GALNTL6: variants seen among roughly 807,000 people sequenced by gnomAD.
The protein encoded by GALNTL6 is polypeptide N-acetylgalactosaminyltransferase like 6, also known as polypeptide N-acetylgalactosaminyltransferase-like 6.
GALNTL6 carries 46 observed loss-of-function variants against 73.7 expected under a neutral mutation model. The observed-to-expected ratio is 0.62, with a 90% CI of 0.49 to 0.80. The LOEUF (loss-of-function observed/expected upper bound fraction) is 0.80. GALNTL6 is among the 30% of genes least tolerant of loss of function. GALNTL6 has a pLI of 0.00. For synonymous variants in GALNTL6, 259 were observed against 263.7 expected (o/e 0.98, Z 0.17); for missense variants, 604 against 755.0 (o/e 0.80, Z 2.34).
chr4:172,052,253 T>C lies in GALNTL6; in HGVS notation c.139-177403T>C, dbSNP rs1443201467. Among the ~76,000 whole-genome samples the C allele has an allele frequency of 4.0e-5, 5 of 124,188 alleles. No homozygotes were observed. The Admixed American group carries it at 4.4e-4, about 11-fold the overall frequency. 81.5% of individuals were successfully genotyped at this position (124,188 alleles called of 152,430 possible). A position where few individuals can be genotyped will look rare whatever the true frequency, so the allele number is the denominator to read the frequency against. On this transcript the variant is annotated intron_variant, in intron 2 of 12. Coordinates refer to ENST00000506823, the MANE Select transcript of GALNTL6 (RefSeq NM_001034845.3). ...ATGGAACATTCACAGTTTTATATTATTTCAGTAGAGCCTCAAGGCAGAGAG... is the reference window on the plus strand; with the variant it reads ...ATGGAACATTCACAGTTTTATATTACTTCAGTAGAGCCTCAAGGCAGAGAG...
At chr4:172,018,824 G>C (rs1226432827) in intron 2 of GALNTL6, among the ~76,000 whole-genome samples, 1 of 152,062 alleles carries the variant, frequency 6.6e-6, no homozygotes, top group African/African-American at 2.4e-5. Context: ...CTACTTAATT[G>C]TGCTGGCTGC....
At chr4:172,791,268 G>A (rs1739980925) in intron 5 of GALNTL6, among the ~76,000 whole-genome samples, 2 of 152,238 alleles carry the variant, frequency 1.3e-5, no homozygotes, top group African/African-American at 2.4e-5. Context: ...GGTGACTGCA[G>A]TGTATGAAAG....
At chr4:172,497,145 T>C (rs990824316) in intron 5 of GALNTL6, among the ~76,000 whole-genome samples, 2 of 152,214 alleles carry the variant, frequency 1.3e-5, no homozygotes, top group African/African-American at 4.8e-5. Context: ...TATAGGTTGG[T>C]CATTGTAAGA....
At chr4:172,812,696 A>C (rs1384702867) in intron 6 of GALNTL6, among the ~76,000 whole-genome samples, 3 of 152,172 alleles carry the variant, frequency 2.0e-5, no homozygotes, top group Non-Finnish European at 2.9e-5. Context: ...TGTTAAGCAG[A>C]GGTTGCATCT....
chr4:172,801,950 A>C (rs1740673115), intron 5 of GALNTL6, among the ~76,000 whole-genome samples: 1 of 152,152 alleles, frequency 6.6e-6, no homozygotes, highest in Non-Finnish European at 1.5e-5. Context: ...TTTAATAAAC[A>C]GCAAATATAT....
intron 5 of GALNTL6, among the ~76,000 whole-genome samples, chr4:172,711,140 T>C (rs1734678208): frequency 6.6e-6 from 1 of 152,190 alleles, no homozygotes; most frequent in African/African-American, 2.4e-5. Context: ...AGGAGGAATG[T>C]GACTGAATTT....
chr4:172,148,203 T>A (rs1380606170), intron 2 of GALNTL6, among the ~76,000 whole-genome samples: 1 of 152,148 alleles, frequency 6.6e-6, no homozygotes, highest in Non-Finnish European at 1.5e-5. Flanking sequence ...ATTCTGAGTA[T>A]TTCTTAAAAT....
chr4:171,836,895 A>G (rs1735108480), intron 2 of GALNTL6, among the ~76,000 whole-genome samples: 1 of 152,182 alleles, frequency 6.6e-6, no homozygotes, highest in African/African-American at 2.4e-5. Context: ...AAAACCTAGA[A>G]TGAACCCTAA....
chr4:172,413,638 T>C (rs1744521459), intron 5 of GALNTL6, among the ~76,000 whole-genome samples: 1 of 142,350 alleles, frequency 7.0e-6, no homozygotes, highest in African/African-American at 2.6e-5. Context: ...AGGTTGTAAT[T>C]TATCTTCTTT....
intron 11 of GALNTL6, among the ~76,000 whole-genome samples, chr4:173,012,875 C>T (rs1270658752): frequency 3.3e-5 from 5 of 152,152 alleles, no homozygotes; most frequent in South Asian, 4.1e-4. Context: ...CGGTGACTCG[C>T]GCCTATAATC....
chr4:172,295,526 T>G (rs934602626), intron 3 of GALNTL6, among the ~76,000 whole-genome samples: 2 of 133,932 alleles, frequency 1.5e-5, no homozygotes, highest in African/African-American at 5.4e-5. Context: ...CTTTTCTTTT[T>G]TTAGGTTTTT....
chr4:172,833,514 T>C (rs1265825446), intron 7 of GALNTL6, among the ~76,000 whole-genome samples: 1 of 152,208 alleles, frequency 6.6e-6, no homozygotes, highest in African/African-American at 2.4e-5. Context: ...CTGCATCTCC[T>C]GGCTTTCCTC....
At chr4:172,983,921 T>G (rs78055204) in intron 10 of GALNTL6, among the ~76,000 whole-genome samples, 1,856 of 150,934 alleles carry the variant, frequency 0.012, 12 homozygotes, top group Middle Eastern at 0.024. Context: ...ATCTCCCGGT[T>G]GATTTTTTTT....
intron 5 of GALNTL6, among the ~76,000 whole-genome samples, chr4:172,467,862 CT>C (rs1579099705): frequency 7.8e-6 from 1 of 128,718 alleles, no homozygotes; most frequent in African/African-American, 2.9e-5. Context: ...TTCTTTCTTT[CT>C]TTCCTTCTTT....
At chr4:172,986,166 T>C (rs1339169111) in intron 10 of GALNTL6, among the ~76,000 whole-genome samples, 2 of 152,250 alleles carry the variant, frequency 1.3e-5, no homozygotes, top group Non-Finnish European at 2.9e-5. Context: ...GTCAAATTTT[T>C]CTCACTGTCA....
chr4:172,709,081 G>A (rs994884535), intron 5 of GALNTL6, among the ~76,000 whole-genome samples: 1 of 152,128 alleles, frequency 6.6e-6, no homozygotes, highest in Admixed American at 6.6e-5. Flanking sequence ...TTTACCCTGG[G>A]TGATTTCATG....
chr4:172,985,626 A>G (rs755093758), intron 10 of GALNTL6, among the ~76,000 whole-genome samples: 10 of 152,126 alleles, frequency 6.6e-5, no homozygotes, highest in Non-Finnish European at 1.3e-4. Context: ...TTTTTTAAAG[A>G]TATTTTGGTA....
At chr4:171,980,157 A>T (rs1345168628) in intron 2 of GALNTL6, among the ~76,000 whole-genome samples, 1 of 152,208 alleles carries the variant, frequency 6.6e-6, no homozygotes, top group African/African-American at 2.4e-5. Context: ...AAACAGAAGC[A>T]CTTACTAGGG....
chr4:172,679,090 TA>T (rs1405005128), intron 5 of GALNTL6, among the ~76,000 whole-genome samples: 1 of 152,204 alleles, frequency 6.6e-6, no homozygotes, highest in African/African-American at 2.4e-5. Context: ...CATAAAATGT[TA>T]TTTATGTTTT....
Sources: allele counts gnomAD v4.1 joint callset (sites outside exome capture counted in the v4.1 genomes callset), GRCh38; gene constraint gnomAD v4.1.1; transcripts MANE v1.5; gene names NCBI Gene and HGNC (gene_info 2026-07-23, HGNC 2026-07-21).